The following LARP1 variants were observed in gnomAD, a reference collection of about 807,000 sequenced individuals.
LARP1 encodes the protein La ribonucleoprotein 1, translational regulator.
Under a neutral mutation model 122.7 loss-of-function variants are expected in LARP1, and 36 were observed. That is an observed-to-expected ratio of 0.29 (90% CI 0.22 to 0.39). The LOEUF is 0.39. Ranked by LOEUF, LARP1 falls within the 10% of genes least tolerant of loss-of-function variation. LARP1 has a pLI of 1.00. For synonymous variants in LARP1, 539 were observed against 528.7 expected, an observed-to-expected ratio of 1.02 and a Z score of -0.27; for missense variants, 1,040 against 1,403.6, an observed-to-expected ratio of 0.74 and a Z score of 4.14.
chr5:154,812,683 C>G (rs984388374), intron 18 of LARP1, among the ~76,000 whole-genome samples: 2 of 152,102 alleles, frequency 1.3e-5, no homozygotes, highest in Middle Eastern at 3.4e-3. Context: ...CCACGCCTGG[C>G]TAATTTTTGT....
intron 1 of LARP1, among the ~76,000 whole-genome samples, chr5:154,703,253 G>T (rs887934461): frequency 8.6e-5 from 13 of 151,664 alleles, no homozygotes; most frequent in African/African-American, 2.9e-4. Context: ...GAACAGCTGC[G>T]CTGGGCGTTA....
chr5:154,809,322 A>G (rs1759056257), intron 16 of LARP1, among the ~76,000 whole-genome samples: 1 of 151,628 alleles, frequency 6.6e-6, no homozygotes, highest in Admixed American at 6.6e-5. Flanking sequence ...TCTATTAAAA[A>G]AAAAAAAAAG....
intron 1 of LARP1, among the ~76,000 whole-genome samples, chr5:154,772,368 G>A (rs1755508847): frequency 6.6e-6 from 1 of 152,126 alleles, no homozygotes; most frequent in South Asian, 2.1e-4. Context: ...CGTGACTATG[G>A]CATTGGATAG....
rs754553272 is a variant in LARP1 at position 154,802,288 on chromosome 5, C to T, written c.1998C>T (p.Thr666=). 1.9e-6 allele frequency: 3 copies of T among 1,614,100 alleles called. No individual in the cohort carries two copies. The highest frequency in any genetic ancestry group is 8.5e-7 in the Non-Finnish European group (1 of 1,180,050). ...GGGGGGACCGCACAGGCAACCACAC[C>T]TCGCGTGCCAAGATGAGCGCCGAAC... ...HPGGDRTGNH[T]SRAKMSAELA... is the part of the protein sequence containing the mutation. Residue 666 remains threonine, a synonymous_variant, in exon 11 of 19, where the codon ACC becomes ACT. Transcript: ENST00000518297. The surrounding 1 kb of genome is among the most constrained non-coding windows in gnomAD (Gnocchi z 5.1).
intron 1 of LARP1, among the ~76,000 whole-genome samples, chr5:154,695,751 T>C (rs1754442085): frequency 6.6e-6 from 1 of 151,996 alleles, no homozygotes; most frequent in Non-Finnish European, 1.5e-5. Flanking sequence ...CGCATACCTG[T>C]AATCCCAGCT....
intron 1 of LARP1, among the ~76,000 whole-genome samples, chr5:154,693,627 G>A (rs1487457094): frequency 6.6e-6 from 1 of 152,010 alleles, no homozygotes; most frequent in Non-Finnish European, 1.5e-5. Context: ...AGGCCGAGGC[G>A]GGCGGATCAC....
rs371972674 is a variant in LARP1 at position 154,790,829 on chromosome 5, T to C, written c.564+119T>C. The C allele has an allele frequency of 3.5e-5, 33 of 947,770 alleles. No homozygotes were observed. The African/African-American group carries it at 5.1e-4, about 15-fold the overall frequency. 58.7% of individuals were successfully genotyped at this position (947,770 alleles called of 1,614,324 possible). A position where few individuals can be genotyped will look rare whatever the true frequency, so the allele number is the denominator to read the frequency against. ...TCTCAGTTTTCATTCTTTCTTTTTT[T>C]TCCCCCCAACAGAGTTTCACTCTTT... On this transcript the variant is annotated intron_variant, in intron 3 of 18. Transcript: ENST00000518297.
rs578185689 is a variant in LARP1 at position 154,806,360 on chromosome 5, G to C, written c.2698+328G>C. The stretch of plus-strand genomic sequence containing the variant: ...TCTAGTCCACTGTCCATCACAAAAG[G>C]GTATGTAAGAGGTGACATATGCTCT... On this transcript the variant is annotated intron_variant, in intron 15 of 18. Transcript: ENST00000518297. 2.5e-4 allele frequency among the ~76,000 whole-genome samples: 38 copies of C among 152,234 alleles called. 1 individual carries two copies. Among genetic ancestry groups the C allele is most frequent in the African/African-American group, 8.9e-4 (37 of 41,528 alleles).
chr5:154,762,243 C>G (rs567120471), intron 1 of LARP1, among the ~76,000 whole-genome samples: 24 of 151,486 alleles, frequency 1.6e-4, no homozygotes, highest in African/African-American at 5.8e-4. Flanking sequence ...GACTCCATCT[C>G]AAAACAAAAC....
chr5:154,771,099 G>A (rs1020240304), intron 1 of LARP1, among the ~76,000 whole-genome samples: 11 of 149,284 alleles, frequency 7.4e-5, no homozygotes, highest in South Asian at 2.1e-4. Context: ...GCAGCAGAGC[G>A]AGACTGTGTC....
intron 1 of LARP1, chr5:154,729,467 A>G: frequency 2.6e-6 from 1 of 386,904 alleles, no homozygotes; most frequent in Non-Finnish European, 5.0e-6. Context: ...CAAGAGCAAG[A>G]TTCTTGCCAA....
Position 154,793,986 on chromosome 5 carries a change from G to A in LARP1, c.1055G>A (p.Arg352Gln), listed in dbSNP as rs1391589685. ...RGRGRGRGRG[R>Q]GGTRTHFDYQ... Reference sequence around the variant, plus strand: ...CGTGGTCGCGGCCGGGGACGCGGCCGGGGTGGCACTCGAAGTACGTGAGGC... The same window carrying A: ...CGTGGTCGCGGCCGGGGACGCGGCCAGGGTGGCACTCGAAGTACGTGAGGC... The change falls in exon 6 of 19, where the codon CGG becomes CAG. Residue 352 changes from arginine to glutamine, a missense_variant. Physicochemically the swap from Arg to Gln is conservative, Grantham distance 43 (BLOSUM62 1). Coordinates refer to ENST00000518297, the MANE Select transcript of LARP1 (RefSeq NM_033551.3). 8 of 1,610,506 alleles carry A rather than the reference G, an allele frequency of 5.0e-6. No homozygotes were observed. Among genetic ancestry groups the A allele is most frequent in the Middle Eastern group, 1.7e-4 (1 of 6,048 alleles).
At chr5:154,762,182 G>A (rs1754508603) in intron 1 of LARP1, among the ~76,000 whole-genome samples, 2 of 152,292 alleles carry the variant, frequency 1.3e-5, no homozygotes, top group Admixed American at 6.5e-5. Flanking sequence ...GGCGGAGGTT[G>A]CAGTGAGCTG....
chr5:154,724,944 G>A (rs1582212114), intron 1 of LARP1, among the ~76,000 whole-genome samples: 2 of 152,148 alleles, frequency 1.3e-5, no homozygotes, highest in East Asian at 3.9e-4. Context: ...GGGATTACAG[G>A]CATGAGCCAT....
chr5:154,708,494 AAG>A (rs2113280307), upstream of LARP1, among the ~76,000 whole-genome samples: 1 of 152,346 alleles, frequency 6.6e-6, no homozygotes, highest in Non-Finnish European at 1.5e-5. Context: ...ATCTGTGTAT[AAG>A]AGAAGACATG....
rs1307424748 is a variant in LARP1, at chr5:154,803,188, G to A, written c.2110-102G>A. 5.4e-6 allele frequency: 8 copies of A among 1,476,038 alleles called. No individual in the cohort carries two copies. The East Asian group carries it at 1.8e-4, about 34-fold the overall frequency. The allele number at this position is 1,476,038 out of a possible 1,614,324, so 91.4% of individuals were successfully genotyped here. A position where few individuals can be genotyped will look rare whatever the true frequency, so the allele number is the denominator to read the frequency against. Reference sequence around the variant, plus strand: ...ACCAGAATTCCACGTATGTCGACGTGGGAGCTGCCCTCTCCAACTTCCTGC... The same window carrying A: ...ACCAGAATTCCACGTATGTCGACGTAGGAGCTGCCCTCTCCAACTTCCTGC... On this transcript the variant is annotated intron_variant, in intron 11 of 18. Transcript: ENST00000518297. The surrounding 1 kb of genome is among the most constrained non-coding windows in gnomAD (Gnocchi z 4.4).
intron 1 of LARP1, among the ~76,000 whole-genome samples, chr5:154,691,103 G>A (rs1754178254): frequency 2.7e-5 from 4 of 149,240 alleles, no homozygotes; most frequent in African/African-American, 2.5e-5. Flanking sequence ...ACTAAAAAAA[G>A]AAAAAAAAAT....
At chr5:154,705,117 CAAA>C (rs35003168) in intron 1 of LARP1, among the ~76,000 whole-genome samples, 1 of 107,210 alleles carries the variant, frequency 9.3e-6, no homozygotes, top group Non-Finnish European at 1.8e-5. Flanking sequence ...GACTCCGTCT[CAAA>C]AAAAAAAAAA....
chr5:154,772,673 C>T (rs1323962024), intron 1 of LARP1, among the ~76,000 whole-genome samples: 1 of 152,180 alleles, frequency 6.6e-6, no homozygotes, highest in Non-Finnish European at 1.5e-5. Context: ...TGGTCTCCTT[C>T]TCAAAATATC....
Sources: gnomAD v4.1 joint callset for allele counts (sites outside exome capture counted in the v4.1 genomes callset) on GRCh38, gnomAD v4.1.1 for gene constraint, Gnocchi (gnomAD v3.1) non-coding constraint, MANE v1.5 for transcripts, NCBI Gene and HGNC (gene_info 2026-07-23, HGNC 2026-07-21) for gene names.